MSRA: variants seen among roughly 807,000 people sequenced by gnomAD.
MSRA encodes methionine sulfoxide reductase A, also known as mitochondrial peptide methionine sulfoxide reductase.
MSRA carries 54 observed loss-of-function variants against 31.3 expected under a neutral mutation model. The ratio of observed to expected loss-of-function variants is 1.73; its 90% confidence interval spans 1.39 to 2.17. The LOEUF is 2.17. Ranked by LOEUF, MSRA falls within the 30% of genes most tolerant of loss-of-function variation. The pLI is 0.00. For synonymous variants in MSRA, 169 were observed against 116.5 expected (o/e 1.45, Z -2.90); for missense variants, 507 against 300.9 (o/e 1.69, Z -5.07).
chr8:10,334,438 G>A (rs78317928), intron 5 of MSRA, among the ~76,000 whole-genome samples: 1,660 of 151,998 alleles, frequency 0.011, 21 homozygotes, highest in African/African-American at 0.038. Flanking sequence ...TACCGGGGGC[G>A]GGGGGGAGGT....
chr8:10,325,731 T>G (rs1191817456), intron 5 of MSRA, among the ~76,000 whole-genome samples: 1 of 152,218 alleles, frequency 6.6e-6, no homozygotes, highest in African/African-American at 2.4e-5. Flanking sequence ...GTTATGTGGT[T>G]TCTAATACAT....
intron 2 of MSRA, among the ~76,000 whole-genome samples, chr8:10,228,760 T>A (rs1048129751): frequency 6.6e-6 from 1 of 152,222 alleles, no homozygotes; most frequent in Non-Finnish European, 1.5e-5. Context: ...TTCTCATCCT[T>A]AAGTTGGGGC....
chr8:10,376,455 T>G (rs1319077732), intron 5 of MSRA, among the ~76,000 whole-genome samples: 4 of 152,210 alleles, frequency 2.6e-5, no homozygotes, highest in African/African-American at 9.6e-5. Context: ...TTATCTGGGC[T>G]TGGATCTTGG....
intron 5 of MSRA, among the ~76,000 whole-genome samples, chr8:10,380,885 AGATG>A (rs562055078): frequency 2.1e-5 from 3 of 144,172 alleles, no homozygotes; most frequent in Admixed American, 6.9e-5. Flanking sequence ...GTGGGTGGGT[AGATG>A]GATGGATGGA....
At chr8:10,358,207 GTGTGAGCCACCATGCCTGGCGA>G (rs1315792854) in intron 5 of MSRA, among the ~76,000 whole-genome samples, 1 of 152,162 alleles carries the variant, frequency 6.6e-6, no homozygotes, top group African/African-American at 2.4e-5. Context: ...GGGATTGCAG[GTGTGAGCCACCATGCCTGGCGA>G]TGTGAGCCAC....
At chr8:10,425,727 C>G (rs953825772) in intron 5 of MSRA, among the ~76,000 whole-genome samples, 1 of 152,262 alleles carries the variant, frequency 6.6e-6, no homozygotes, top group Non-Finnish European at 1.5e-5. Flanking sequence ...GTGGGTAGGT[C>G]CTCTGAGGAC....
At chr8:10,354,734 ATG>A (rs138610974) in intron 5 of MSRA, among the ~76,000 whole-genome samples, 49 of 134,842 alleles carry the variant, frequency 3.6e-4, no homozygotes, top group African/African-American at 1.0e-3. Flanking sequence ...GTTATGTAAT[ATG>A]TGTGTGTGTG....
At chr8:10,216,083 G>A (rs748179560) in intron 2 of MSRA, among the ~76,000 whole-genome samples, 12 of 152,026 alleles carry the variant, frequency 7.9e-5, no homozygotes, top group African/African-American at 1.7e-4. Context: ...AGAAAAATAC[G>A]GAGCAATCAA....
At chr8:10,139,471 A>T (rs1585012507) in intron 1 of MSRA, among the ~76,000 whole-genome samples, 1 of 152,282 alleles carries the variant, frequency 6.6e-6, no homozygotes, top group African/African-American at 2.4e-5. Flanking sequence ...TGTAGCCGTC[A>T]CCCAAACAGT....
chr8:10,189,753 A>C (rs1807352757), intron 1 of MSRA, among the ~76,000 whole-genome samples: 1 of 152,142 alleles, frequency 6.6e-6, no homozygotes, highest in Non-Finnish European at 1.5e-5. Flanking sequence ...AAGAATTTTA[A>C]ATTCTGTGTT....
At chr8:10,230,829 G>A (rs962287771) in intron 2 of MSRA, among the ~76,000 whole-genome samples, 2 of 152,164 alleles carry the variant, frequency 1.3e-5, no homozygotes, top group African/African-American at 2.4e-5. Flanking sequence ...TCGTTGCCCA[G>A]GCTGGAGTAT....
intron 1 of MSRA, among the ~76,000 whole-genome samples, chr8:10,166,697 C>G (rs1373303088): frequency 6.6e-6 from 1 of 152,172 alleles, no homozygotes; most frequent in Non-Finnish European, 1.5e-5. Flanking sequence ...CTCACTCATT[C>G]ACTTGATCAT....
chr8:10,252,118 A>G (rs1262633457), intron 3 of MSRA, among the ~76,000 whole-genome samples: 1 of 152,220 alleles, frequency 6.6e-6, no homozygotes, highest in East Asian at 1.9e-4. Context: ...AAAGTTATTA[A>G]GAATGTTGGG....
At chr8:10,290,206 G>C (rs534196286) in intron 3 of MSRA, among the ~76,000 whole-genome samples, 1 of 152,294 alleles carries the variant, frequency 6.6e-6, no homozygotes, top group South Asian at 2.1e-4. Context: ...GTGGAGGAGT[G>C]AGCAGGTCCC....
At chr8:10,315,815 C>T (rs1801678366) in intron 4 of MSRA, among the ~76,000 whole-genome samples, 1 of 152,148 alleles carries the variant, frequency 6.6e-6, no homozygotes, top group Non-Finnish European at 1.5e-5. Flanking sequence ...GATTTTAGAA[C>T]ATAAACAGAC....
chr8:10,066,823 C>T (rs1220130614), intron 1 of MSRA, among the ~76,000 whole-genome samples: 3 of 152,040 alleles, frequency 2.0e-5, no homozygotes, highest in Admixed American at 2.0e-4. Context: ...GTGTGAGCTG[C>T]TGCACCTGGC....
At chr8:10,215,543 C>G (rs943039177) in intron 2 of MSRA, among the ~76,000 whole-genome samples, 1 of 152,156 alleles carries the variant, frequency 6.6e-6, no homozygotes, top group Admixed American at 6.5e-5. Context: ...GGATCCATCA[C>G]CTCTCCTTCA....
At chr8:10,276,110 G>A (rs1311810279) in intron 3 of MSRA, among the ~76,000 whole-genome samples, 2 of 152,142 alleles carry the variant, frequency 1.3e-5, no homozygotes, top group Non-Finnish European at 2.9e-5. Flanking sequence ...TACTGTGGGG[G>A]AAACAGGCGA....
chr8:10,170,407 A>G (rs1805493661), intron 1 of MSRA, among the ~76,000 whole-genome samples: 1 of 152,252 alleles, frequency 6.6e-6, no homozygotes, highest in Admixed American at 6.5e-5. Context: ...ATAGCCATCT[A>G]TGAATTAGGA....
Sources: gnomAD v4.1 joint callset for allele counts (sites outside exome capture counted in the v4.1 genomes callset) on GRCh38, gnomAD v4.1.1 for gene constraint, MANE v1.5 for transcripts, NCBI Gene and HGNC (gene_info 2026-07-23, HGNC 2026-07-21) for gene names.